CNTNAP5: variants seen among roughly 807,000 people sequenced by gnomAD.
The protein encoded by CNTNAP5 is contactin associated protein family member 5.
CNTNAP5 carries 72 observed loss-of-function variants against 150.2 expected under a neutral mutation model. That is an observed-to-expected ratio of 0.48 (90% CI 0.40 to 0.58). The LOEUF (loss-of-function observed/expected upper bound fraction) is 0.58, where lower values mean the gene tolerates loss of function less well. Among genes scored for constraint, CNTNAP5 ranks in the 20% least tolerant of loss-of-function variants. The pLI is 0.00. For missense variants in CNTNAP5, 1,636 were observed against 1,626.2 expected, an observed-to-expected ratio of 1.01 and a Z score of -0.10; for synonymous variants, 672 against 619.8, an observed-to-expected ratio of 1.08 and a Z score of -1.25.
At chr2:124,424,997 G>A (rs1198329283) in intron 4 of CNTNAP5, among the ~76,000 whole-genome samples, 1 of 152,198 alleles carries the variant, frequency 6.6e-6, no homozygotes, top group Non-Finnish European at 1.5e-5. Context: ...GCTAATGGCA[G>A]TGATTTTAAA....
chr2:124,033,352 A>G (rs1021521466), intron 1 of CNTNAP5, among the ~76,000 whole-genome samples: 3 of 152,202 alleles, frequency 2.0e-5, no homozygotes, highest in African/African-American at 7.2e-5. Flanking sequence ...AGCAGTCTAA[A>G]GAAATGTGCC....
At chr2:124,061,139 A>T (rs770191713) in intron 1 of CNTNAP5, among the ~76,000 whole-genome samples, 17 of 152,124 alleles carry the variant, frequency 1.1e-4, no homozygotes, top group Non-Finnish European at 2.2e-4. Flanking sequence ...TGTCAGCCAT[A>T]ACACATCATG....
intron 13 of CNTNAP5, among the ~76,000 whole-genome samples, chr2:124,701,628 C>A (rs756249825): frequency 6.6e-6 from 1 of 152,062 alleles, no homozygotes; most frequent in Non-Finnish European, 1.5e-5. Context: ...ATCTACATTC[C>A]TGTGAACAAG....
intron 3 of CNTNAP5, among the ~76,000 whole-genome samples, chr2:124,358,547 A>T (rs76246650): frequency 0.16 from 25,049 of 152,066 alleles, 2,054 homozygotes; most frequent in East Asian, 0.21. Context: ...CTTTTTCTGC[A>T]TCTATTGAGA....
In CNTNAP5 at chr2:124,099,596, C is replaced by T. The variant is rs189424840; in HGVS notation, c.82+73864C>T. The stretch of plus-strand genomic sequence containing the variant: ...CGAGCCGTATGTACTAGTTCATTCT[C>T]GCATTGCCATAAAGAAATATCTGAA... On this transcript the variant is annotated intron_variant, in intron 1 of 23. Coordinates refer to ENST00000682447, the MANE Select transcript of CNTNAP5 (RefSeq NM_001367498.1). Among the ~76,000 whole-genome samples, 48 of 152,220 alleles carry T rather than the reference C, an allele frequency of 3.2e-4. No individual in the cohort carries two copies. The East Asian group carries it at 8.5e-3, about 27-fold the overall frequency.
chr2:124,663,834 A>G (rs1000485482), intron 13 of CNTNAP5, among the ~76,000 whole-genome samples: 9 of 152,202 alleles, frequency 5.9e-5, no homozygotes, highest in East Asian at 1.9e-4. Flanking sequence ...ACATTCCACA[A>G]TGAATTCCTC....
intron 11 of CNTNAP5, among the ~76,000 whole-genome samples, chr2:124,578,489 C>A (rs961885623): frequency 3.3e-5 from 5 of 152,086 alleles, no homozygotes; most frequent in Non-Finnish European, 7.3e-5. Context: ...TAAAGCTCAC[C>A]AGGGAATTTT....
chr2:124,089,164 T>G (rs982205407), intron 1 of CNTNAP5, among the ~76,000 whole-genome samples: 4 of 152,168 alleles, frequency 2.6e-5, no homozygotes, highest in Non-Finnish European at 4.4e-5. Flanking sequence ...ATTTTCAGTC[T>G]TCATATGCTT....
At chr2:124,644,229 C>A (rs1015954217) in intron 12 of CNTNAP5, among the ~76,000 whole-genome samples, 1 of 152,194 alleles carries the variant, frequency 6.6e-6, no homozygotes, top group African/African-American at 2.4e-5. Flanking sequence ...GCTCAAACCA[C>A]CCTTCCCTAG....
intron 13 of CNTNAP5, among the ~76,000 whole-genome samples, chr2:124,693,640 G>A (rs767398017): frequency 3.3e-5 from 5 of 151,952 alleles, no homozygotes; most frequent in East Asian, 1.9e-4. Context: ...TGTGGAGGCC[G>A]TGGCTGAGAC....
At chr2:124,404,465 C>T (rs1023094388) in intron 3 of CNTNAP5, among the ~76,000 whole-genome samples, 1 of 152,136 alleles carries the variant, frequency 6.6e-6, no homozygotes, top group African/African-American at 2.4e-5. Flanking sequence ...ACCAATCTTG[C>T]CTTAGCCTCA....
intron 7 of CNTNAP5, among the ~76,000 whole-genome samples, chr2:124,476,796 G>A (rs966571752): frequency 1.3e-5 from 2 of 152,062 alleles, no homozygotes; most frequent in East Asian, 3.9e-4. Flanking sequence ...TTTGGCTTAG[G>A]GAGAGAAGTC....
At chr2:124,806,915 CT>C (rs34184441) in intron 19 of CNTNAP5, among the ~76,000 whole-genome samples, 187 of 144,044 alleles carry the variant, frequency 1.3e-3, no homozygotes, top group Admixed American at 3.3e-3. Context: ...CTTTATTTTA[CT>C]TTTTTTTTTT....
chr2:124,769,621 C>G (rs1681146588), intron 16 of CNTNAP5, among the ~76,000 whole-genome samples: 1 of 152,228 alleles, frequency 6.6e-6, no homozygotes, highest in African/African-American at 2.4e-5. Flanking sequence ...CCCTGTTATA[C>G]TGGGCCACAG....
intron 19 of CNTNAP5, among the ~76,000 whole-genome samples, chr2:124,815,465 G>C (rs1490178296): frequency 1.3e-5 from 2 of 152,134 alleles, no homozygotes; most frequent in Non-Finnish European, 2.9e-5. Flanking sequence ...AATAAATCAA[G>C]GACAAAGTGA....
At chr2:124,041,601 A>G (rs779735678) in intron 1 of CNTNAP5, among the ~76,000 whole-genome samples, 1 of 152,160 alleles carries the variant, frequency 6.6e-6, no homozygotes, top group Non-Finnish European at 1.5e-5. Flanking sequence ...TTTCAATCAG[A>G]TGTAACTTTG....
At chr2:124,332,084 T>A (rs1414674477) in intron 3 of CNTNAP5, among the ~76,000 whole-genome samples, 5 of 151,840 alleles carry the variant, frequency 3.3e-5, no homozygotes, top group South Asian at 2.1e-4. Context: ...ACAACTTTTT[T>A]AAACAGATAT....
chr2:124,309,891 A>G (rs905925626), intron 3 of CNTNAP5, among the ~76,000 whole-genome samples: 1 of 152,212 alleles, frequency 6.6e-6, no homozygotes. Flanking sequence ...ATACATATTT[A>G]TCCTAAGGGC....
chr2:124,859,596 A>G (rs1473475446), intron 19 of CNTNAP5, among the ~76,000 whole-genome samples: 2 of 152,242 alleles, frequency 1.3e-5, no homozygotes, highest in Non-Finnish European at 2.9e-5. Context: ...GCTGCTATAA[A>G]GACACATGAA....
Sources: allele counts gnomAD v4.1 joint callset (sites outside exome capture counted in the v4.1 genomes callset), GRCh38; gene constraint gnomAD v4.1.1; transcripts MANE v1.5; gene names NCBI Gene and HGNC (gene_info 2026-07-23, HGNC 2026-07-21).